Variants in DDX10 observed in about 807,000 individuals in gnomAD.
The protein encoded by DDX10 is DEAD-box helicase 10.
Under a neutral mutation model 104.3 loss-of-function variants are expected in DDX10, and 74 were observed. That is an observed-to-expected ratio of 0.71 (90% CI 0.59 to 0.86). The LOEUF (loss-of-function observed/expected upper bound fraction) is 0.86, where lower values mean the gene tolerates loss of function less well. Among genes scored for constraint, DDX10 ranks in the 40% least tolerant of loss-of-function variants. The pLI, the probability that DDX10 is intolerant of heterozygous loss-of-function variation, is 0.00. For synonymous variants in DDX10, 351 were observed against 353.4 expected, an observed-to-expected ratio of 0.99 and a Z score of 0.08; for missense variants, 952 against 1,040.0, an observed-to-expected ratio of 0.92 and a Z score of 1.16.
chr11:108,768,341 T>G (rs1255325603), intron 13 of DDX10, among the ~76,000 whole-genome samples: 1 of 152,200 alleles, frequency 6.6e-6, no homozygotes, highest in Non-Finnish European at 1.5e-5. Context: ...ATGAATTAGA[T>G]TTTTCTATCT....
chr11:108,870,730 C>A (rs150005780), intron 16 of DDX10, among the ~76,000 whole-genome samples: 34 of 152,136 alleles, frequency 2.2e-4, no homozygotes, highest in Non-Finnish European at 4.4e-4. Context: ...CTCTACCAGG[C>A]AATATATAAA....
chr11:108,813,526 T>G (rs1404443739), intron 13 of DDX10, among the ~76,000 whole-genome samples: 4 of 152,212 alleles, frequency 2.6e-5, no homozygotes, highest in Non-Finnish European at 5.9e-5. Context: ...TTGTTTGTCT[T>G]TTGTTTTTCA....
chr11:108,908,290 A>G (rs889103549), intron 16 of DDX10, among the ~76,000 whole-genome samples: 4 of 152,188 alleles, frequency 2.6e-5, no homozygotes, highest in African/African-American at 9.6e-5. Flanking sequence ...TTTAGTGGAA[A>G]CAAAATGTGT....
In DDX10 at chr11:108,677,103, C is replaced by T. The variant is rs147675016; in HGVS notation, c.397C>T (p.Arg133Cys). Residue 133 changes from arginine to cysteine, a missense_variant, in exon 4 of 18, where the codon CGT becomes TGT. Physicochemically the swap from Arg to Cys is radical, Grantham distance 180 (BLOSUM62 -3). Coordinates refer to ENST00000322536, the MANE Select transcript of DDX10 (RefSeq NM_004398.4). ...FLVPVLEALYRLQWTSTDGLG... is the reference protein window; with the variant it reads ...FLVPVLEALYCLQWTSTDGLG... Reference sequence around the variant, plus strand: ...TTTTGAGGTGCTGGAAGCCTTATATCGTCTGCAATGGACTTCAACAGATGG... The same window carrying T: ...TTTTGAGGTGCTGGAAGCCTTATATTGTCTGCAATGGACTTCAACAGATGG... 5.6e-6 allele frequency: 9 copies of T among 1,611,542 alleles called. No individual in the cohort carries two copies. The highest frequency in any genetic ancestry group is 2.7e-5 in the African/African-American group (2 of 74,878).
intron 13 of DDX10, among the ~76,000 whole-genome samples, chr11:108,831,225 G>A (rs1862465417): frequency 6.6e-6 from 1 of 152,036 alleles, no homozygotes; most frequent in African/African-American, 2.4e-5. Context: ...CCAACATGGT[G>A]AAACCCCATC....
chr11:108,699,222 GTTAATTATTTA>G lies in DDX10; in HGVS notation c.1223+5625_1223+5635del, dbSNP rs1436728881. 3.3e-5 allele frequency among the ~76,000 whole-genome samples: 5 copies of G among 152,236 alleles called. No individual in the cohort carries two copies. In the East Asian group the frequency reaches 9.7e-4, roughly 29 times the overall value. On this transcript the variant is annotated intron_variant, in intron 9 of 17. Coordinates refer to ENST00000322536, the MANE Select transcript of DDX10 (RefSeq NM_004398.4). ...TCATGAATCAGATCTTACCTAATAT[GTTAATTATTTA>G]TTGTTGTATAACAAATTGACCCATG... is the stretch of plus-strand genomic sequence containing the variant.
chr11:108,723,625 C>T (rs2094301624), intron 13 of DDX10, among the ~76,000 whole-genome samples, 163 bp downstream of exon 13: 1 of 152,088 alleles, frequency 6.6e-6, no homozygotes, highest in Non-Finnish European at 1.5e-5. Context: ...AGAATAAGTG[C>T]CAATGAATTT....
At chr11:108,918,199 T>C in intron 17 of DDX10, 181 bp downstream of exon 17, 2 of 644,324 alleles carry the variant, frequency 3.1e-6, no homozygotes, top group South Asian at 4.1e-5. Flanking sequence ...CTGCAGATTG[T>C]TCTGGTCATG....
intron 16 of DDX10, among the ~76,000 whole-genome samples, chr11:108,904,467 A>G (rs1209749671): frequency 1.3e-5 from 2 of 152,206 alleles, no homozygotes; most frequent in African/African-American, 4.8e-5. Flanking sequence ...GCATTTGTCA[A>G]AACCTGAATT....
At chr11:108,905,234 T>G (rs983351543) in intron 16 of DDX10, among the ~76,000 whole-genome samples, 1 of 147,602 alleles carries the variant, frequency 6.8e-6, no homozygotes, top group African/African-American at 2.5e-5. Flanking sequence ...CATACAAAGA[T>G]CTTTTAGAGT....
rs1210935784 is a variant in DDX10, at chr11:108,831,977, G to A, written c.1966-6469G>A. Reference sequence around the variant, plus strand: ...TAGCTTTTTAAAGTCTAGCATACGTGTTGTAGAAGAGGTGCAAATAGAAAT... The same window carrying A: ...TAGCTTTTTAAAGTCTAGCATACGTATTGTAGAAGAGGTGCAAATAGAAAT... On this transcript the variant is annotated intron_variant, in intron 13 of 17. Coordinates refer to ENST00000322536, the MANE Select transcript of DDX10 (RefSeq NM_004398.4). 2.0e-5 allele frequency among the ~76,000 whole-genome samples: 3 copies of A among 152,128 alleles called. No individual in the cohort carries two copies. In the East Asian group the frequency reaches 5.8e-4, roughly 29 times the overall value.
chr11:108,762,850 C>G (rs981638816), intron 13 of DDX10, among the ~76,000 whole-genome samples: 2 of 152,126 alleles, frequency 1.3e-5, no homozygotes, highest in Admixed American at 6.6e-5. Flanking sequence ...TTCCTTCTTT[C>G]CTTTCTCGGA....
chr11:108,740,747 A>AT (rs937318664), intron 13 of DDX10, among the ~76,000 whole-genome samples: 1 of 151,678 alleles, frequency 6.6e-6, no homozygotes, highest in Non-Finnish European at 1.5e-5. Context: ...GATGTTGAGC[A>AT]TTTTTTCATA....
intron 16 of DDX10, among the ~76,000 whole-genome samples, chr11:108,870,312 T>A (rs1361163204): frequency 2.0e-5 from 3 of 152,174 alleles, no homozygotes; most frequent in Non-Finnish European, 4.4e-5. Flanking sequence ...ATCCCCAGTT[T>A]ATTCTGAATT....
chr11:108,802,010 G>GGTGTGTGTGTGTGT (rs111450290), intron 13 of DDX10, among the ~76,000 whole-genome samples: 8 of 142,064 alleles, frequency 5.6e-5, no homozygotes, highest in Non-Finnish European at 9.4e-5. Context: ...AAGTGAGTGG[G>GGTGTGTGTGTGTGT]GTGTGTGTGT....
intron 6 of DDX10, among the ~76,000 whole-genome samples, chr11:108,687,996 T>C (rs1375964574): frequency 1.3e-5 from 2 of 152,318 alleles, no homozygotes; most frequent in South Asian, 2.1e-4. Context: ...CCTTACCTCT[T>C]TCCTTAACAG....
Position 108,691,894 on chromosome 11 carries a change from G to C in DDX10, c.994G>C (p.Val332Leu). 1.2e-6 allele frequency: 2 copies of C among 1,614,080 alleles called. No individual in the cohort carries two copies. The highest frequency in any genetic ancestry group is 4.5e-5 in the East Asian group (2 of 44,882). ...SCKEVQYLYRVFCRLRPGVSI... is the reference protein window; with the variant it reads ...SCKEVQYLYRLFCRLRPGVSI... ...GCCCCAGGTCCAGTATCTGTACCGA[G>C]TGTTTTGCCGGCTACGTCCTGGTGT... Residue 332 changes from valine (V) to leucine (L), a missense_variant, in exon 8 of 18, where the codon GTG (valine) becomes CTG (leucine). By Grantham distance (32) the Val-to-Leu change is conservative (BLOSUM62 1). Coordinates refer to ENST00000322536, the MANE Select transcript of DDX10 (RefSeq NM_004398.4).
intron 13 of DDX10, among the ~76,000 whole-genome samples, chr11:108,788,230 CT>C (rs1235647257): frequency 6.6e-6 from 1 of 152,090 alleles, no homozygotes; most frequent in Non-Finnish European, 1.5e-5. Context: ...TGTGCTGATT[CT>C]TTCTTGTGTG....
chr11:108,669,913 C>T lies in DDX10; in HGVS notation c.187-3554C>T, dbSNP rs143273957. 1.4e-3 allele frequency among the ~76,000 whole-genome samples: 212 copies of T among 152,334 alleles called. 1 individual carries two copies. The highest frequency in any genetic ancestry group is 4.8e-3 in the African/African-American group (200 of 41,588). On this transcript the variant is annotated intron_variant, in intron 1 of 17. Transcript: ENST00000322536. The stretch of plus-strand genomic sequence containing the variant: ...GCTGGAAAAGGCGGGGAAATGGACT[C>T]TGCCGTAGAGTCATCAGAAAATAAC...
Sources: allele counts gnomAD v4.1 joint callset (sites outside exome capture counted in the v4.1 genomes callset), GRCh38; gene constraint gnomAD v4.1.1; transcripts MANE v1.5; gene names NCBI Gene and HGNC (gene_info 2026-07-23, HGNC 2026-07-21).